The following GDPD5 variants were observed in gnomAD, a reference collection of about 807,000 sequenced individuals.
GDPD5 encodes the protein glycerophosphodiester phosphodiesterase 2.
Under a neutral mutation model 75.1 loss-of-function variants are expected in GDPD5, and 48 were observed. The observed-to-expected ratio is 0.64, with a 90% CI of 0.51 to 0.81. GDPD5 has a LOEUF of 0.81. Among genes scored for constraint, GDPD5 ranks in the 40% least tolerant of loss-of-function variants. The probability of loss-of-function intolerance (pLI) is 0.00; values close to 1 mark genes in which losing one functional copy is unlikely to be tolerated. For synonymous variants in GDPD5, 336 were observed against 339.0 expected (o/e 0.99, Z 0.10); for missense variants, 706 against 822.6 (o/e 0.86, Z 1.73).
At chr11:75,523,736 G>A (rs1199999674) in intron 1 of GDPD5, among the ~76,000 whole-genome samples, 2 of 152,210 alleles carry the variant, frequency 1.3e-5, no homozygotes, top group African/African-American at 2.4e-5. Context: ...AGATTATTGC[G>A]AGGATTTGAA....
intron 7 of GDPD5, 118 bp from the exon 8 acceptor site, chr11:75,449,728 G>A: frequency 7.9e-7 from 1 of 1,269,546 alleles, no homozygotes. Flanking sequence ...TGCCAACTGG[G>A]GACACTGGGA....
In GDPD5 at chr11:75,435,575, C is replaced by T. The variant is rs569699868; in HGVS notation, c.1750G>A (p.Ala584Thr). ...CCCCCTCGGGGGCCCACAGGGGTGG[C>T]GGTGCTGTTGGCATATGTGTCATAA... ...NSYDTYANST[A>T]TPVGPRGGGS... Residue 584 changes from alanine to threonine, a missense_variant, in exon 17 of 17, where the codon GCC becomes ACC. Physicochemically the swap from Ala to Thr is moderately conservative, Grantham distance 58. Coordinates refer to ENST00000336898, the MANE Select transcript of GDPD5 (RefSeq NM_030792.8). The T allele has an allele frequency of 3.3e-5, 54 of 1,613,326 alleles. No individual in the cohort carries two copies. Among genetic ancestry groups the T allele is most frequent in the Non-Finnish European group, 4.1e-5 (48 of 1,179,770 alleles).
At chr11:75,524,860 C>T (rs906296543) in intron 1 of GDPD5, among the ~76,000 whole-genome samples, 10 of 152,172 alleles carry the variant, frequency 6.6e-5, no homozygotes, top group Admixed American at 5.2e-4. Flanking sequence ...AGTGCTCTGC[C>T]TCTTCCCCCT....
chr11:75,488,561 A>G (rs912781290), intron 2 of GDPD5, among the ~76,000 whole-genome samples: 1 of 152,062 alleles, frequency 6.6e-6, no homozygotes, highest in African/African-American at 2.4e-5. Flanking sequence ...CTGTGCTCCA[A>G]AGACACCACC....
At chr11:75,471,434 T>C (rs1434777587) in intron 3 of GDPD5, among the ~76,000 whole-genome samples, 1 of 152,240 alleles carries the variant, frequency 6.6e-6, no homozygotes, top group Non-Finnish European at 1.5e-5. Flanking sequence ...CCTCTGTCCT[T>C]GCTTCTGCTG....
rs1185855358 is a variant in GDPD5 at position 75,479,069 on chromosome 11, C to T, written c.-60-1274G>A. On this transcript the variant is annotated intron_variant, in intron 2 of 16. Coordinates refer to ENST00000336898, the MANE Select transcript of GDPD5 (RefSeq NM_030792.8). ...GGCTGCCAGAAGCTACTGCCCCAGCCCTGCTTGGCACCCTGGAGATATCTG... is the reference window on the plus strand; with the variant it reads ...GGCTGCCAGAAGCTACTGCCCCAGCTCTGCTTGGCACCCTGGAGATATCTG... 3.9e-5 allele frequency among the ~76,000 whole-genome samples: 6 copies of T among 152,288 alleles called. No individual in the cohort carries two copies. In the South Asian group the frequency reaches 8.3e-4, roughly 21 times the overall value.
chr11:75,442,598 C>G lies in GDPD5; in HGVS notation c.949-17G>C. On this transcript the variant is annotated splice_polypyrimidine_tract_variant and intron_variant, in intron 11 of 16. Coordinates refer to ENST00000336898, the MANE Select transcript of GDPD5 (RefSeq NM_030792.8). The stretch of plus-strand genomic sequence containing the variant: ...GGGGTCAGTCTGGCAGGGACAGGGA[C>G]ACACACATGGCTGCATCATCAGCCC... 1 of 1,611,688 alleles carries G rather than the reference C, an allele frequency of 6.2e-7. No individual in the cohort carries two copies. The highest frequency in any genetic ancestry group is 2.2e-5 in the East Asian group (1 of 44,842).
At chr11:75,488,541 C>G (rs1028449629) in intron 2 of GDPD5, among the ~76,000 whole-genome samples, 1 of 152,178 alleles carries the variant, frequency 6.6e-6, no homozygotes, top group African/African-American at 2.4e-5. Flanking sequence ...TCCTACCCCT[C>G]CTTGTACCAC....
chr11:75,494,676 G>A (rs1015725414), intron 1 of GDPD5, among the ~76,000 whole-genome samples: 2 of 152,028 alleles, frequency 1.3e-5, no homozygotes, highest in Admixed American at 1.3e-4. Flanking sequence ...TTGATGGCCA[G>A]ATGCGGTGGC....
In GDPD5 at chr11:75,443,157, G is replaced by A. The variant is rs756094082; in HGVS notation, c.927C>T (p.Asn309=). 5.7e-5 allele frequency: 91 copies of A among 1,604,002 alleles called. No homozygotes were observed. The highest frequency in any genetic ancestry group is 4.3e-4 in the Admixed American group (25 of 58,570). ...AGACCTTCAGGAACCACTGGCCAGCGTTGAGTCTCTGCAGGGTGGTCCAGT... is the reference window on the plus strand; with the variant it reads ...AGACCTTCAGGAACCACTGGCCAGCATTGAGTCTCTGCAGGGTGGTCCAGT... ...MLNWTTLQRL[N]AGQWFLKTDP... is the part of the protein sequence containing the mutation. Residue 309 remains asparagine (N), a synonymous_variant, in exon 11 of 17, where the codon AAC becomes AAT. Transcript: ENST00000336898.
At chr11:75,514,450 C>T (rs1330124509) in intron 1 of GDPD5, among the ~76,000 whole-genome samples, 1 of 152,252 alleles carries the variant, frequency 6.6e-6, no homozygotes, top group Middle Eastern at 3.2e-3. Flanking sequence ...GTGCCAGGAC[C>T]CAGGCCTTTA....
At chr11:75,448,897 C>T (rs1949054857) in intron 9 of GDPD5, 80 bp downstream of exon 9, 2 of 1,440,906 alleles carry the variant, frequency 1.4e-6, no homozygotes, top group East Asian at 2.5e-5. Flanking sequence ...GCTACCATTA[C>T]ATATATCCAT....
At position 75,525,755 on chromosome 11, in the gene GDPD5, C is replaced by T. The variant is rs892861446; in HGVS notation, c.-690G>A. 3.3e-5 allele frequency: 5 copies of T among 151,140 alleles called. No individual in the cohort carries two copies. The highest frequency in any genetic ancestry group is 7.3e-5 in the African/African-American group (3 of 41,310). 9.4% of individuals were successfully genotyped at this position (151,140 alleles called of 1,614,324 possible). On this transcript the variant is annotated 5_prime_UTR_variant, in exon 1 of 17. Coordinates refer to ENST00000336898, the MANE Select transcript of GDPD5 (RefSeq NM_030792.8). ...GCCCCGCGGGGAAGTCTTTCCAGGT[C>T]CCGACTCGGCTCTCTCTGCAAAACG...
At chr11:75,510,591 C>G (rs536294000) in intron 1 of GDPD5, among the ~76,000 whole-genome samples, 6 of 152,300 alleles carry the variant, frequency 3.9e-5, no homozygotes, top group Middle Eastern at 3.4e-3. Flanking sequence ...TGTGCTGCCT[C>G]CTTTCACCTC....
At chr11:75,488,250 T>C (rs1265788830) in intron 2 of GDPD5, among the ~76,000 whole-genome samples, 1 of 152,080 alleles carries the variant, frequency 6.6e-6, no homozygotes, top group African/African-American at 2.4e-5. Flanking sequence ...ACTGACAGGT[T>C]CTCTGGGGAG....
intron 1 of GDPD5, among the ~76,000 whole-genome samples, chr11:75,500,845 G>C (rs564277789): frequency 6.6e-6 from 1 of 152,210 alleles, no homozygotes; most frequent in Admixed American, 6.5e-5. Context: ...GCCAAGCCCA[G>C]CTCTGTTCTC....
chr11:75,506,917 C>T (rs758320818), intron 1 of GDPD5: 7 of 152,414 alleles, frequency 4.6e-5, no homozygotes, highest in Admixed American at 3.3e-4. Context: ...GCCCCTGCCC[C>T]CCTCCCCTTC....
At chr11:75,448,831 C>G (rs1949053226) in intron 9 of GDPD5, 146 bp downstream of exon 9, 1 of 1,173,582 alleles carries the variant, frequency 8.5e-7, no homozygotes, top group African/African-American at 1.6e-5. Context: ...CCCAGCACTC[C>G]CGGCCTTTTT....
Position 75,436,959 on chromosome 11 carries a change from A to G in GDPD5, c.1646T>C (p.Met549Thr). The change falls in exon 16 of 17, where the codon ATG becomes ACG. Residue 549 changes from methionine (M) to threonine (T), a missense_variant. Transcript: ENST00000336898. The stretch of plus-strand genomic sequence containing the variant: ...ACCTGAGAAAATAAGCTTCTCCTTC[A>G]TGATGCTGACGTCCCGGCTGGTCCG... ...VRRTSRDVSI[M>T]KEKLIFSEIS... The G allele has an allele frequency of 6.2e-7, 1 of 1,613,608 alleles. No homozygotes were observed. Among genetic ancestry groups the G allele is most frequent in the Non-Finnish European group, 8.5e-7 (1 of 1,179,976 alleles).
Sources: gnomAD v4.1 joint callset for allele counts (sites outside exome capture counted in the v4.1 genomes callset) on GRCh38, gnomAD v4.1.1 for gene constraint, MANE v1.5 for transcripts, NCBI Gene and HGNC (gene_info 2026-07-23, HGNC 2026-07-21) for gene names.